Variants in GRIP1 observed in about 807,000 individuals in gnomAD.
GRIP1 encodes glutamate receptor-interacting protein 1.
A neutral mutation model predicts 129.9 loss-of-function variants in GRIP1; 45 were observed. That is an observed-to-expected ratio of 0.35 (90% CI 0.27 to 0.44). The LOEUF is 0.44. Ranked by LOEUF, GRIP1 falls within the 20% of genes least tolerant of loss-of-function variation. The pLI, the probability that GRIP1 is intolerant of heterozygous loss-of-function variation, is 1.00. For synonymous variants in GRIP1, 530 were observed against 520.8 expected (o/e 1.02, Z -0.24); for missense variants, 1,196 against 1,396.8 (o/e 0.86, Z 2.29).
At chr12:66,442,845 A>C (rs1201787881) in intron 13 of GRIP1, among the ~76,000 whole-genome samples, 4 of 152,206 alleles carry the variant, frequency 2.6e-5, no homozygotes, top group African/African-American at 9.7e-5. Context: ...ATATTTGTTA[A>C]TTTTTAAATT....
At chr12:66,878,223 T>TAC (rs575546616) in intron 1 of GRIP1, among the ~76,000 whole-genome samples, 4 of 151,948 alleles carry the variant, frequency 2.6e-5, no homozygotes, top group Non-Finnish European at 5.9e-5. Flanking sequence ...CTGCAGGACA[T>TAC]ACACACACAA....
At chr12:66,425,742 T>C (rs1249727621) in intron 14 of GRIP1, among the ~76,000 whole-genome samples, 1 of 151,438 alleles carries the variant, frequency 6.6e-6, no homozygotes, top group East Asian at 2.0e-4. Flanking sequence ...AAACACCGCA[T>C]ATTCTCACTC....
At chr12:66,707,413 A>C (rs1370145584) in intron 1 of GRIP1, among the ~76,000 whole-genome samples, 1 of 151,368 alleles carries the variant, frequency 6.6e-6, no homozygotes, top group African/African-American at 2.4e-5. Flanking sequence ...TTCAGTCTCT[A>C]ATGTACGATT....
chr12:66,422,354 A>T (rs1014021723), intron 14 of GRIP1, among the ~76,000 whole-genome samples: 1 of 152,218 alleles, frequency 6.6e-6, no homozygotes, highest in Admixed American at 6.5e-5. Flanking sequence ...ATAATTTAAA[A>T]CTTCATTCAA....
chr12:66,933,384 G>A (rs1290162562), intron 1 of GRIP1, among the ~76,000 whole-genome samples: 3 of 152,142 alleles, frequency 2.0e-5, no homozygotes, highest in Non-Finnish European at 4.4e-5. Flanking sequence ...GGAAACCACT[G>A]CTGAGATTTT....
intron 1 of GRIP1, among the ~76,000 whole-genome samples, chr12:66,813,615 C>T (rs1302009051): frequency 1.3e-5 from 2 of 152,120 alleles, no homozygotes; most frequent in Non-Finnish European, 1.5e-5. Flanking sequence ...CTAAAAAATA[C>T]AAGAAGATCC....
intron 1 of GRIP1, among the ~76,000 whole-genome samples, chr12:66,649,891 A>G (rs1408136314): frequency 1.3e-5 from 2 of 152,234 alleles, no homozygotes; most frequent in Non-Finnish European, 2.9e-5. Flanking sequence ...AGAGCAGGCT[A>G]GAAATTCTAT....
At chr12:66,704,821 A>G (rs1242285357) in intron 1 of GRIP1, among the ~76,000 whole-genome samples, 1 of 152,052 alleles carries the variant, frequency 6.6e-6, no homozygotes, top group African/African-American at 2.4e-5. Context: ...TCCTCCCATT[A>G]TTCCTCTAGA....
intron 1 of GRIP1, among the ~76,000 whole-genome samples, chr12:66,771,332 T>A (rs2037811130): frequency 1.3e-5 from 2 of 152,200 alleles, no homozygotes; most frequent in South Asian, 4.1e-4. Context: ...AGTAATACAA[T>A]GCACCATTAA....
chr12:66,946,377 A>T (rs1161672390), intron 1 of GRIP1, among the ~76,000 whole-genome samples: 2 of 152,072 alleles, frequency 1.3e-5, no homozygotes, highest in Admixed American at 1.3e-4. Flanking sequence ...ATGATCAACA[A>T]TCCCTAGGTA....
intron 7 of GRIP1, among the ~76,000 whole-genome samples, chr12:66,477,863 A>C: frequency 6.6e-6 from 1 of 152,200 alleles, no homozygotes; most frequent in Non-Finnish European, 1.5e-5. Context: ...CTTACACCTT[A>C]TACAAAAATT....
At chr12:66,864,879 G>C (rs930878371) in intron 1 of GRIP1, among the ~76,000 whole-genome samples, 1 of 152,102 alleles carries the variant, frequency 6.6e-6, no homozygotes, top group Non-Finnish European at 1.5e-5. Context: ...CCACTGGCTG[G>C]AACTGTTGAC....
chr12:66,488,792 C>T (rs764310522), intron 7 of GRIP1, among the ~76,000 whole-genome samples: 2 of 152,034 alleles, frequency 1.3e-5, no homozygotes, highest in Non-Finnish European at 2.9e-5. Context: ...GGTGATATCA[C>T]CACTGACCCC....
At chr12:66,603,087 C>A (rs762820369) in intron 1 of GRIP1, among the ~76,000 whole-genome samples, 9 of 151,264 alleles carry the variant, frequency 5.9e-5, no homozygotes, top group Non-Finnish European at 1.3e-4. Flanking sequence ...CTCAAAAACT[C>A]CTGGCCTCAA....
chr12:66,594,067 C>CAAAAAAAAA (rs10661389), intron 2 of GRIP1, among the ~76,000 whole-genome samples: 1 of 52,928 alleles, frequency 1.9e-5, no homozygotes, highest in Non-Finnish European at 3.1e-5. Flanking sequence ...GACTCCGTCT[C>CAAAAAAAAA]AAAAAAAAAA....
chr12:66,804,143 T>C (rs2038935000), exon 1 of GRIP1: 1 of 455,822 alleles, frequency 2.2e-6, no homozygotes, highest in African/African-American at 2.0e-5. Flanking sequence ...TTTCTTCTCC[T>C]AGATCTTCTT....
intron 1 of GRIP1, among the ~76,000 whole-genome samples, chr12:66,645,702 G>A (rs2032305237): frequency 6.6e-6 from 1 of 152,088 alleles, no homozygotes; most frequent in Non-Finnish European, 1.5e-5. Flanking sequence ...TAAATTTCAA[G>A]ATAATTATTT....
chr12:66,731,882 T>C (rs1276127571), intron 1 of GRIP1, among the ~76,000 whole-genome samples: 1 of 152,190 alleles, frequency 6.6e-6, no homozygotes, highest in Admixed American at 6.5e-5. Context: ...TATTGACACA[T>C]AAAATATGTT....
intron 11 of GRIP1, among the ~76,000 whole-genome samples, chr12:66,450,976 A>T (rs11176189): frequency 0.19 from 28,170 of 152,136 alleles, 2,694 homozygotes; most frequent in African/African-American, 0.23. Flanking sequence ...TCTCTCTAGT[A>T]GCAGATGCTT....
Sources: gnomAD v4.1 joint callset for allele counts (sites outside exome capture counted in the v4.1 genomes callset) on GRCh38, gnomAD v4.1.1 for gene constraint, MANE v1.5 for transcripts, NCBI Gene and HGNC (gene_info 2026-07-23, HGNC 2026-07-21) for gene names.